The following GPR143 variants were observed in gnomAD, a reference collection of about 807,000 sequenced individuals.
GPR143 encodes G-protein coupled receptor 143.
GPR143 carries 8 observed loss-of-function variants against 27.6 expected under a neutral mutation model. That is an observed-to-expected ratio of 0.29 (90% CI 0.17 to 0.52). The LOEUF is 0.52. GPR143 is among the 20% of genes least tolerant of loss of function. The pLI, the probability that GPR143 is intolerant of heterozygous loss-of-function variation, is 0.96. For synonymous variants in GPR143, 156 were observed against 153.2 expected, an observed-to-expected ratio of 1.02 and a Z score of -0.13; for missense variants, 303 against 343.1, an observed-to-expected ratio of 0.88 and a Z score of 0.92.
At position 9,725,553 on chromosome X, in the gene GPR143, C is replaced by CA. The variant is rs2083321362; in HGVS notation, c.*192dup. The CA allele has an allele frequency of 2.4e-6, 1 of 421,579 alleles. No homozygotes were observed. The allele number at this position is 421,579 out of a possible 1,213,427, so 34.7% of individuals were successfully genotyped here. A position where few individuals can be genotyped will look rare whatever the true frequency, so the allele number is the denominator to read the frequency against. Reference sequence around the variant, plus strand: ...GGTCTGGAGGGGGCTCTTCCATTCTCACACGTGTGTGCATGAACCCTTTCT... The same window carrying CA: ...GGTCTGGAGGGGGCTCTTCCATTCTCAACACGTGTGTGCATGAACCCTTTCT... On this transcript the variant is annotated 3_prime_UTR_variant, in exon 9 of 9. Coordinates refer to ENST00000467482, the MANE Select transcript of GPR143 (RefSeq NM_000273.3).
intron 7 of GPR143, chrX:9,740,753 CTTTTTT>C (rs374177494): frequency 3.8e-6 from 1 of 260,141 alleles, no homozygotes; most frequent in Non-Finnish European, 6.5e-6. Context: ...TTCTTTCTTT[CTTTTTT>C]TTTTTTTTTT....
chrX:9,755,317 C>G (rs758723988), intron 3 of GPR143, among the ~76,000 whole-genome samples: 56 of 111,717 alleles, frequency 5.0e-4, no homozygotes, highest in African/African-American at 1.7e-3. Context: ...ACGTGGGAAA[C>G]TGAGGCAGGA....
intron 8 of GPR143, among the ~76,000 whole-genome samples, chrX:9,726,480 C>T (rs1315557582): frequency 3.6e-5 from 4 of 111,819 alleles, no homozygotes; most frequent in African/African-American, 1.3e-4. Context: ...TGCCTGGTAA[C>T]TCTGTCAAAT....
chrX:9,750,285 C>A (rs1365591400), intron 3 of GPR143, among the ~76,000 whole-genome samples: 3 of 111,708 alleles, frequency 2.7e-5, no homozygotes, highest in Non-Finnish European at 5.6e-5. Context: ...TCATAGTTCA[C>A]TGCAGCCTCC....
At chrX:9,731,058 G>T (rs2083350982) in intron 8 of GPR143, among the ~76,000 whole-genome samples, 1 of 111,969 alleles carries the variant, frequency 8.9e-6, no homozygotes, top group South Asian at 3.7e-4. Flanking sequence ...GGCTTTGGGT[G>T]TTTGCTGTCT....
chrX:9,769,692 C>T (rs1012142236), upstream of GPR143, among the ~76,000 whole-genome samples: 1 of 111,285 alleles, frequency 9.0e-6, no homozygotes, highest in East Asian at 2.8e-4. Context: ...AGTGATTCTC[C>T]TGCCTCAGGC....
At chrX:9,731,544 C>G in intron 8 of GPR143, among the ~76,000 whole-genome samples, 1 of 110,058 alleles carries the variant, frequency 9.1e-6, no homozygotes, top group Non-Finnish European at 1.9e-5. Context: ...CTGGGACTTA[C>G]AAGAGAAAAA....
intron 8 of GPR143, among the ~76,000 whole-genome samples, chrX:9,734,976 A>G (rs762245735): frequency 4.1e-4 from 46 of 111,803 alleles, no homozygotes; most frequent in Admixed American, 2.7e-3. Flanking sequence ...ATCCTCCCCT[A>G]GTAATGACTC....
In GPR143 at chrX:9,759,875, T is replaced by C. The variant is rs1189682276; in HGVS notation, c.361-449A>G. ...ACTGCGGGCTGAGACAGAGCCTCCA[T>C]AGATGCAGTTAGGAAGCCACTGAGG... On this transcript the variant is annotated intron_variant, in intron 2 of 8. Coordinates refer to ENST00000467482, the MANE Select transcript of GPR143 (RefSeq NM_000273.3). 1.5e-4 allele frequency among the ~76,000 whole-genome samples: 17 copies of C among 111,011 alleles called. 1 individual carries two copies. Among genetic ancestry groups the C allele is most frequent in the Non-Finnish European group, 2.8e-4 (15 of 52,952 alleles).
At chrX:9,774,869 T>G (rs1322594616) in intron 1 of GPR143, among the ~76,000 whole-genome samples, 2 of 110,877 alleles carry the variant, frequency 1.8e-5, no homozygotes, top group African/African-American at 3.3e-5. Flanking sequence ...TTTTTGTTTG[T>G]TTGGTTTTTT....
chrX:9,761,835 C>T (rs1031796990), intron 1 of GPR143, among the ~76,000 whole-genome samples: 1 of 112,834 alleles, frequency 8.9e-6, no homozygotes, highest in African/African-American at 3.2e-5. Context: ...GCGGTGCTCA[C>T]GCCTGTAATC....
chrX:9,728,092 G>T (rs1431670704), intron 8 of GPR143, among the ~76,000 whole-genome samples: 2 of 112,086 alleles, frequency 1.8e-5, no homozygotes. Context: ...CCACTACCTG[G>T]CTGGAATATG....
In GPR143 at chrX:9,746,014, G is replaced by A. The variant is rs192373775; in HGVS notation, c.658+30C>T. On this transcript the variant is annotated intron_variant, in intron 5 of 8. Transcript: ENST00000467482. ...AGGCATGGGGCCGCTCCCAGTGGCC[G>A]TGTACCCAGAGAGCTTCCCTAGTAT... is the stretch of plus-strand genomic sequence containing the variant. The A allele has an allele frequency of 8.8e-5, 80 of 913,266 alleles. No homozygotes were observed. The African/African-American group carries it at 1.3e-3, about 15-fold the overall frequency. The allele number at this position is 913,266 out of a possible 1,213,427, so 75.3% of individuals were successfully genotyped here.
rs756145241 is a variant in GPR143, at chrX:9,759,357, C to G, written c.430G>C (p.Val144Leu). 8.4e-7 allele frequency: 1 copy of G among 1,190,662 alleles called. No individual in the cohort carries two copies. The highest frequency in any genetic ancestry group is 3.0e-5 in the East Asian group (1 of 33,481). The change falls in exon 3 of 9, where the codon GTG (valine) becomes CTG (leucine). Residue 144 changes from valine (V) to leucine (L), a missense_variant. Transcript: ENST00000467482. ...CTCAGTCCTGCCGATCTCCGGATCA[C>G]CAGATAAGCATCCACTGCATAGCAA... ...LFCYAVDAYL[V>L]IRRSAGLSTI... is the part of the protein sequence containing the mutation.
chrX:9,740,753 C>CTTTTTTTTTTTT, intron 7 of GPR143: 1 of 178,155 alleles, frequency 5.6e-6, no homozygotes, highest in African/African-American at 3.7e-5. Flanking sequence ...TTCTTTCTTT[C>CTTTTTTTTTTTT]TTTTTTTTTT....
chrX:9,737,258 G>C (rs756903032), intron 8 of GPR143, among the ~76,000 whole-genome samples: 51 of 112,011 alleles, frequency 4.6e-4, no homozygotes, highest in Non-Finnish European at 8.5e-4. Context: ...AGGAGATCAA[G>C]GCTGCAGTGA....
chrX:9,732,923 G>GAAAGAAGA (rs1434668881), intron 8 of GPR143, among the ~76,000 whole-genome samples: 2 of 109,678 alleles, frequency 1.8e-5, no homozygotes, highest in African/African-American at 3.3e-5. Context: ...AGACGAGTGG[G>GAAAGAAGA]AAAGAAGAAA....
chrX:9,742,213 T>C (rs1327946425), intron 6 of GPR143, among the ~76,000 whole-genome samples: 1 of 112,039 alleles, frequency 8.9e-6, no homozygotes, highest in Non-Finnish European at 1.9e-5. Flanking sequence ...TAGTAGGAGA[T>C]GATTTATGTA....
At chrX:9,731,974 G>GA (rs1460703010) in intron 8 of GPR143, among the ~76,000 whole-genome samples, 2 of 111,576 alleles carry the variant, frequency 1.8e-5, no homozygotes, top group Non-Finnish European at 3.8e-5. Flanking sequence ...GGCAGAAAAT[G>GA]AAAAATTGAA....
Sources: allele counts gnomAD v4.1 joint callset (sites outside exome capture counted in the v4.1 genomes callset), GRCh38; gene constraint gnomAD v4.1.1; transcripts MANE v1.5; gene names NCBI Gene and HGNC (gene_info 2026-07-23, HGNC 2026-07-21).